PLCB2: variants seen among roughly 807,000 people sequenced by gnomAD.
The protein encoded by PLCB2 is 1-phosphatidylinositol 4,5-bisphosphate phosphodiesterase beta-2.
In PLCB2, 115 loss-of-function variants were observed where a neutral mutation model predicts 141.7. The ratio of observed to expected loss-of-function variants is 0.81; its 90% CI spans 0.70 to 0.95. The LOEUF is 0.95. PLCB2 is among the 40% of genes least tolerant of loss of function. The probability of loss-of-function intolerance (pLI) is 0.00; values close to 1 mark genes in which losing one functional copy is unlikely to be tolerated. For synonymous variants in PLCB2, 603 were observed against 595.6 expected (o/e 1.01, Z -0.18); for missense variants, 1,403 against 1,541.1 (o/e 0.91, Z 1.50).
rs1242886355 is a variant in PLCB2 at position 40,298,938 on chromosome 15, G to A, written c.710C>T (p.Thr237Met). Residue 237 changes from threonine (T) to methionine (M), a missense_variant, in exon 9 of 32, where the codon ACG becomes ATG. This residue lies in a region of PLCB2 where 975 missense variants were observed against 1,141.1 expected (regional missense o/e 0.85). Coordinates refer to ENST00000260402, the MANE Select transcript of PLCB2 (RefSeq NM_004573.3). ...SYHAKAKPYM[T>M]KEHLTKFINQ... Reference sequence around the variant, plus strand: ...GATGAATTTGGTCAGGTGCTCCTTCGTCATGTAGGGTTTGGCCTTAGCATG... The same window carrying A: ...GATGAATTTGGTCAGGTGCTCCTTCATCATGTAGGGTTTGGCCTTAGCATG... 13 of 1,607,252 alleles carry A rather than the reference G, an allele frequency of 8.1e-6. No homozygotes were observed. Among genetic ancestry groups the A allele is most frequent in the Admixed American group, 1.7e-5 (1 of 59,972 alleles).
At chr15:40,286,641 C>G (rs1327703749), downstream of PLCB2, among the ~76,000 whole-genome samples, 1 of 152,178 alleles carries the variant, frequency 6.6e-6, no homozygotes, top group Non-Finnish European at 1.5e-5. Flanking sequence ...GTGATGGAAC[C>G]CAGGTGTCCT....
Position 40,289,404 on chromosome 15 carries a change from AAGCTGGGTCAGAATCC to A in PLCB2, c.3268-62_3268-47del, listed in dbSNP as rs766949860. 4 of 1,420,944 alleles carry A rather than the reference AAGCTGGGTCAGAATCC, an allele frequency of 2.8e-6. No homozygotes were observed. The South Asian group carries it at 4.6e-5, about 16-fold the overall frequency. The allele number at this position is 1,420,944 out of a possible 1,614,324, so 88.0% of individuals were successfully genotyped here. A position where few individuals can be genotyped will look rare whatever the true frequency, so the allele number is the denominator to read the frequency against. On this transcript the variant is annotated intron_variant, in intron 30 of 31. Transcript: ENST00000260402. ...GAGAATCAGGACAACACAGACAGGC[AAGCTGGGTCAGAATCC>A]AGCTGTAATCCCAGCTAACTAGTTG...
In PLCB2 at chr15:40,293,726, T is replaced by G. The variant is rs758494842; in HGVS notation, c.2062-2A>C. On this transcript the variant is annotated splice_acceptor_variant, in intron 19 of 31. Coordinates refer to ENST00000260402, the MANE Select transcript of PLCB2 (RefSeq NM_004573.3). LOFTEE classifies it high-confidence loss of function. The stretch of plus-strand genomic sequence containing the variant: ...TGACAGGAACTGCCCAGAGATCACC[T>G]GGGGGTAGGGGCCCAGGAAAACCAG... 14 of 1,605,012 alleles carry G rather than the reference T, an allele frequency of 8.7e-6. No individual in the cohort carries two copies. In the East Asian group the frequency reaches 3.1e-4, roughly 36 times the overall value.
At chr15:40,290,699 T>C (rs1173215017) in intron 28 of PLCB2, 27 bp from the exon 29 acceptor site, 1 of 1,611,776 alleles carries the variant, frequency 6.2e-7, no homozygotes, top group Non-Finnish European at 8.5e-7. Context: ...ATGAAGGAGC[T>C]GTTTTGTGCG....
chr15:40,302,525 C>G lies in PLCB2; in HGVS notation c.316G>C (p.Asp106His). ...LKTLTVVSGP[D>H]MVDLTFHNFV... ...TTGTGGAAGGTGAGGTCCACCATGTCCGGGCCGGACACCACCGTGAGTGTC... is the reference window on the plus strand; with the variant it reads ...TTGTGGAAGGTGAGGTCCACCATGTGCGGGCCGGACACCACCGTGAGTGTC... Residue 106 changes from aspartate to histidine, a missense_variant, in exon 4 of 32, where the codon GAC becomes CAC. Transcript: ENST00000260402. The G allele has an allele frequency of 5.0e-6, 8 of 1,614,196 alleles. No individual in the cohort carries two copies. Among genetic ancestry groups the G allele is most frequent in the Non-Finnish European group, 6.8e-6 (8 of 1,180,028 alleles).
rs556806465 is a variant in PLCB2 at position 40,294,665 on chromosome 15, CAGCTGG to C, written c.1907-251_1907-246del. ...TGAGGGACTGTGGTGGGAGCTGGGGCAGCTGGGGCAGGTGGCCCACAGACATACCTG... is the reference window on the plus strand; with the variant it reads ...TGAGGGACTGTGGTGGGAGCTGGGGCGGCAGGTGGCCCACAGACATACCTG... On this transcript the variant is annotated intron_variant, in intron 18 of 31. Transcript: ENST00000260402. Among the ~76,000 whole-genome samples, 943 of 152,292 alleles carry C rather than the reference CAGCTGG, an allele frequency of 6.2e-3. 8 individuals are homozygous for C. Among genetic ancestry groups the C allele is most frequent in the Non-Finnish European group, 8.7e-3 (592 of 68,002 alleles).
At position 40,294,928 on chromosome 15, in the gene PLCB2, G is replaced by T. The variant is rs1296157146; in HGVS notation, c.1906+8C>A. The T allele has an allele frequency of 6.2e-7, 1 of 1,614,058 alleles. No individual in the cohort carries two copies. Among genetic ancestry groups the T allele is most frequent in the Non-Finnish European group, 8.5e-7 (1 of 1,179,946 alleles). On this transcript the variant is annotated splice_region_variant and intron_variant, in intron 18 of 31. Transcript: ENST00000260402. Reference sequence around the variant, plus strand: ...GAAGGATTCTTAGGGGCCTGGGAATGCCCTCACCCATCGTCTGGAAGTTGA... The same window carrying T: ...GAAGGATTCTTAGGGGCCTGGGAATTCCCTCACCCATCGTCTGGAAGTTGA...
In PLCB2 at chr15:40,297,310, C is replaced by CAGTAAT. The variant is rs2040273501; in HGVS notation, c.1323+210_1323+211insATTACT. Among the ~76,000 whole-genome samples, 1 of 152,038 alleles carries CAGTAAT rather than the reference C, an allele frequency of 6.6e-6. No homozygotes were observed. The highest frequency in any genetic ancestry group is 1.5e-5 in the Non-Finnish European group (1 of 67,996). On this transcript the variant is annotated intron_variant, in intron 13 of 31. Transcript: ENST00000260402. This position sits in a 1 kb window ranked among gnomAD's most constrained non-coding sequence, Gnocchi z 4.2. ...TCTGTCTCCTCACTAGAGGGTAATA[C>CAGTAAT]ACCTGAGGGCAGTGACTGTGTCTTT...
chr15:40,307,053 CT>C (rs1467040335), intron 1 of PLCB2, among the ~76,000 whole-genome samples: 2 of 152,224 alleles, frequency 1.3e-5, no homozygotes, highest in Non-Finnish European at 2.9e-5. Context: ...AAATCAGCTC[CT>C]TCCCTGGGAG....
In PLCB2 at chr15:40,301,946, G is replaced by T; in HGVS notation, c.582+11C>A. 6.2e-7 allele frequency: 1 copy of T among 1,612,280 alleles called. No homozygotes were observed. The highest frequency in any genetic ancestry group is 1.7e-5 in the Admixed American group (1 of 60,012). ...ATGCTGGGGGATGGGCAGGGGTGCA[G>T]ATCCACTCACTTTGCCTTTGGGGAG... On this transcript the variant is annotated intron_variant, in intron 7 of 31. Transcript: ENST00000260402.
At position 40,299,202 on chromosome 15, in the gene PLCB2, G is replaced by A; in HGVS notation, c.609C>T (p.Phe203=). Residue 203 remains phenylalanine (F), a synonymous_variant, in exon 8 of 32, where the codon TTC becomes TTT. Transcript: ENST00000260402. ...GGAAACTCTTGTAGACAGGTTCTGGGAAGTCCTCAGGATTGATGGCGTCAT... is the reference window on the plus strand; with the variant it reads ...GGAAACTCTTGTAGACAGGTTCTGGAAAGTCCTCAGGATTGATGGCGTCAT... The part of the protein sequence containing the change: ...GKNDAINPED[F]PEPVYKSFLM... The A allele has an allele frequency of 6.2e-7, 1 of 1,613,660 alleles. No homozygotes were observed. Among genetic ancestry groups the A allele is most frequent in the Non-Finnish European group, 8.5e-7 (1 of 1,179,546 alleles).
At position 40,295,430 on chromosome 15, in the gene PLCB2, AC is replaced by A. The variant is rs888743999; in HGVS notation, c.1697-146del. On this transcript the variant is annotated intron_variant, in intron 16 of 31. Transcript: ENST00000260402. ...ACTGAGACCTGAGGTTTAGGGACCA[AC>A]CTCTGGGAGAAGTGTATGAATCACA... is the stretch of plus-strand genomic sequence containing the variant. 20 of 637,842 alleles carry A rather than the reference AC, an allele frequency of 3.1e-5. No homozygotes were observed. The African/African-American group carries it at 3.5e-4, about 11-fold the overall frequency. The allele number at this position is 637,842 out of a possible 1,614,324, so 39.5% of individuals were successfully genotyped here. A position where few individuals can be genotyped will look rare whatever the true frequency, so the allele number is the denominator to read the frequency against.
intron 24 of PLCB2, 86 bp from the exon 25 acceptor site, chr15:40,291,736 G>C (rs9972407): frequency 6.2e-7 from 1 of 1,601,700 alleles, no homozygotes; most frequent in Non-Finnish European, 8.5e-7. Context: ...CCTGGGAGTC[G>C]CAGTATGTGC....
chr15:40,294,882 G>A, intron 18 of PLCB2, 54 bp downstream of exon 18: 2 of 1,611,732 alleles, frequency 1.2e-6, no homozygotes, highest in Non-Finnish European at 1.7e-6. Flanking sequence ...GGATGTAAAG[G>A]TGGGGGGCGC....
Position 40,288,604 on chromosome 15 carries a change from C to T in PLCB2, c.*111G>A. 1 of 1,420,644 alleles carries T rather than the reference C, an allele frequency of 7.0e-7. No homozygotes were observed. Among genetic ancestry groups the T allele is most frequent in the Non-Finnish European group, 9.2e-7 (1 of 1,088,780 alleles). The allele number at this position is 1,420,644 out of a possible 1,614,324, so 88.0% of individuals were successfully genotyped here. ...GGGGCTGCAGCGTCCAAGGCAGCCA[C>T]AGGTTCCCACAGCCTCAGAAGGCTG... On this transcript the variant is annotated 3_prime_UTR_variant, in exon 32 of 32. Transcript: ENST00000260402.
downstream of PLCB2, chr15:40,286,091 C>T (rs2039605211): frequency 1.0e-6 from 1 of 967,664 alleles, no homozygotes; most frequent in African/African-American, 1.8e-5. Context: ...AGAAAAGAAA[C>T]AGCAAAGCTG....
rs1385706307 is a variant in PLCB2 at position 40,289,260 on chromosome 15, T to G, written c.3354+12A>C. The G allele has an allele frequency of 6.2e-7, 1 of 1,608,958 alleles. No individual in the cohort carries two copies. The highest frequency in any genetic ancestry group is 1.3e-5 in the African/African-American group (1 of 74,832). ...TCAGTTCTGCTGGGGGTCCCAGTAG[T>G]GAACCTGTTACCTGCTTTTCCATCT... On this transcript the variant is annotated intron_variant, in intron 31 of 31. Transcript: ENST00000260402.
chr15:40,291,692 C>T, intron 24 of PLCB2, 42 bp from the exon 25 acceptor site: 3 of 1,608,788 alleles, frequency 1.9e-6, no homozygotes, highest in Non-Finnish European at 2.5e-6. Context: ...CTCTGGGGGG[C>T]CCCTTGGCTC....
chr15:40,299,224 T>G lies in PLCB2; in HGVS notation c.587A>C (p.Asp196Ala). The change falls in exon 8 of 32, where the codon GAC (aspartate) becomes GCC (alanine). Residue 196 changes from aspartate (D) to alanine (A), a missense_variant. Transcript: ENST00000260402. ...TGGGAAGTCCTCAGGATTGATGGCGTCATTCTAGGGGCATAGTAACCTTAT... is the reference window on the plus strand; with the variant it reads ...TGGGAAGTCCTCAGGATTGATGGCGGCATTCTAGGGGCATAGTAACCTTAT... Reference protein sequence around the residue: ...SACHLPKGKNDAINPEDFPEP... With the variant: ...SACHLPKGKNAAINPEDFPEP... 1.2e-6 allele frequency: 2 copies of G among 1,608,950 alleles called. No individual in the cohort carries two copies. Among genetic ancestry groups the G allele is most frequent in the Non-Finnish European group, 8.5e-7 (1 of 1,175,276 alleles).
Sources: gnomAD v4.1 joint callset for allele counts (sites outside exome capture counted in the v4.1 genomes callset) on GRCh38, gnomAD v4.1.1 for gene constraint, gnomAD v4.1.1 regional missense constraint, Gnocchi (gnomAD v3.1) non-coding constraint, MANE v1.5 for transcripts, NCBI Gene and HGNC (gene_info 2026-07-23, HGNC 2026-07-21) for gene names.